GLT1D1: variants seen among roughly 807,000 people sequenced by gnomAD.
GLT1D1 encodes the protein glycosyltransferase 1 domain-containing protein 1.
GLT1D1 carries 21 observed loss-of-function variants against 28.7 expected under a neutral mutation model. The ratio of observed to expected loss-of-function variants is 0.73; its 90% CI spans 0.52 to 1.05. The LOEUF is 1.05. Ranked by LOEUF, GLT1D1 falls within the 50% of genes least tolerant of loss-of-function variation. The pLI is 0.00. For synonymous variants in GLT1D1, 147 were observed against 124.8 expected (o/e 1.18, Z -1.19); for missense variants, 343 against 330.6 (o/e 1.04, Z -0.29).
In GLT1D1 at chr12:128,982,815, C is replaced by T. The variant is rs111762224; in HGVS notation, c.640-114C>T. ...TCCTAAAAGTCACTCTCTCCAGGCC[C>T]AGGAGGCAGACAAGGGCAAGGCCAG... is the stretch of plus-strand genomic sequence containing the variant. On this transcript the variant is annotated intron_variant, in intron 7 of 7. Coordinates refer to ENST00000281703, the MANE Select transcript of GLT1D1 (RefSeq NM_144669.3). 3.0e-3 allele frequency: 2,554 copies of T among 860,000 alleles called. 45 individuals carry two copies. The African/African-American group carries it at 0.038, about 13-fold the overall frequency. 53.3% of individuals were successfully genotyped at this position (860,000 alleles called of 1,614,324 possible). A position where few individuals can be genotyped will look rare whatever the true frequency, so the allele number is the denominator to read the frequency against.
At chr12:128,910,969 G>T (rs1013554554) in intron 4 of GLT1D1, among the ~76,000 whole-genome samples, 3 of 152,006 alleles carry the variant, frequency 2.0e-5, no homozygotes, top group South Asian at 2.1e-4. Flanking sequence ...TCACTCTGTC[G>T]CTTAGTCTGG....
At chr12:128,979,897 G>A (rs547559852) in intron 7 of GLT1D1, among the ~76,000 whole-genome samples, 14 of 152,172 alleles carry the variant, frequency 9.2e-5, no homozygotes, top group Non-Finnish European at 1.9e-4. Flanking sequence ...ATTACAGTAC[G>A]GTTTTGCATA....
At chr12:128,963,188 G>T (rs922350609) in intron 7 of GLT1D1, among the ~76,000 whole-genome samples, 1 of 152,180 alleles carries the variant, frequency 6.6e-6, no homozygotes, top group Non-Finnish European at 1.5e-5. Flanking sequence ...CAAAGGTGAC[G>T]TCTGGTCCCA....
intron 4 of GLT1D1, among the ~76,000 whole-genome samples, chr12:128,938,804 A>G (rs1311798751): frequency 6.6e-6 from 1 of 152,236 alleles, no homozygotes; most frequent in African/African-American, 2.4e-5. Flanking sequence ...CTTTGAATAA[A>G]TGCTTAGAAT....
chr12:128,882,412 G>T (rs1957080563), intron 2 of GLT1D1, among the ~76,000 whole-genome samples: 1 of 151,766 alleles, frequency 6.6e-6, no homozygotes, highest in Admixed American at 6.6e-5. Flanking sequence ...GAGTAGCTGG[G>T]ATTATAGGCG....
At position 128,874,112 on chromosome 12, in the gene GLT1D1, C is replaced by CTTCCTT. The variant is rs1297129528; in HGVS notation, c.69-1801_69-1800insTCCTTT. On this transcript the variant is annotated intron_variant, in intron 1 of 7. Coordinates refer to ENST00000281703, the MANE Select transcript of GLT1D1 (RefSeq NM_144669.3). Reference sequence around the variant, plus strand: ...TCTTTCTTTCTTTCTCTCTCTCTCTCTCTCTCTCTCTCTCTTTCTTTCTTT... The same window carrying CTTCCTT: ...TCTTTCTTTCTTTCTCTCTCTCTCTCTTCCTTTCTCTCTCTCTCTCTTTCTTTCTTT... Among the ~76,000 whole-genome samples the CTTCCTT allele has an allele frequency of 3.5e-4, 20 of 57,808 alleles. 1 individual carries two copies. Among genetic ancestry groups the CTTCCTT allele is most frequent in the African/African-American group, 1.3e-3 (15 of 11,700 alleles). 37.9% of individuals were successfully genotyped at this position (57,808 alleles called of 152,430 possible).
At chr12:128,867,419 G>GAAAAAAAAAAAAAAAAAAAAGAAAAAAA (rs1318656397) in intron 1 of GLT1D1, among the ~76,000 whole-genome samples, 16 of 111,788 alleles carry the variant, frequency 1.4e-4, no homozygotes, top group South Asian at 2.9e-4. Flanking sequence ...AAAAAAAACA[G>GAAAAAAAAAAAAAAAAAAAAGAAAAAAA]AAAAAAAAAA....
At chr12:128,864,179 TGTAA>T (rs1956457967) in intron 1 of GLT1D1, 1 of 682,456 alleles carries the variant, frequency 1.5e-6, no homozygotes, top group Admixed American at 2.1e-5. Context: ...GACGACACAC[TGTAA>T]GTTTTTGTTG....
chr12:128,904,539 G>GACTGTCCT (rs1870631838), intron 4 of GLT1D1, among the ~76,000 whole-genome samples: 1 of 151,646 alleles, frequency 6.6e-6, no homozygotes, highest in Non-Finnish European at 1.5e-5. Context: ...GAGAATGTAG[G>GACTGTCCT]ACTGTCCTCA....
At chr12:128,905,709 G>T (rs1870782607) in intron 4 of GLT1D1, among the ~76,000 whole-genome samples, 1 of 152,068 alleles carries the variant, frequency 6.6e-6, no homozygotes, top group Non-Finnish European at 1.5e-5. Context: ...AATCCTAGTG[G>T]GCTCCTCACC....
chr12:128,923,784 T>G (rs189660120), intron 4 of GLT1D1, among the ~76,000 whole-genome samples: 34 of 152,122 alleles, frequency 2.2e-4, no homozygotes, highest in Non-Finnish European at 4.3e-4. Flanking sequence ...CCTCCCACAA[T>G]GTTGGGATTA....
chr12:128,912,411 C>A lies in GLT1D1; in HGVS notation c.375+13124C>A, dbSNP rs1371976841. The A allele has an allele frequency of 7.9e-6, 12 of 1,518,660 alleles. No individual in the cohort carries two copies. The highest frequency in any genetic ancestry group is 2.0e-5 in the Admixed American group (1 of 50,274). 94.1% of individuals were successfully genotyped at this position (1,518,660 alleles called of 1,614,324 possible). A position where few individuals can be genotyped will look rare whatever the true frequency, so the allele number is the denominator to read the frequency against. On this transcript the variant is annotated intron_variant, in intron 4 of 7. Transcript: ENST00000281703. ...AATGTACTTTTCTTTTCTCTCTCCC[C>A]TCCTTTCAAAAGCCGCATGCTAAGG...
At chr12:128,883,636 A>G (rs999556495) in intron 2 of GLT1D1, among the ~76,000 whole-genome samples, 1 of 151,696 alleles carries the variant, frequency 6.6e-6, no homozygotes, top group Non-Finnish European at 1.5e-5. Flanking sequence ...TTAGGAAGCT[A>G]TGATTTTCTG....
rs756768487 is a variant in GLT1D1, at chr12:128,899,223, G to T, written c.324-13G>T. 1.2e-6 allele frequency: 2 copies of T among 1,603,826 alleles called. No individual in the cohort carries two copies. Among genetic ancestry groups the T allele is most frequent in the Non-Finnish European group, 1.7e-6 (2 of 1,170,776 alleles). On this transcript the variant is annotated splice_polypyrimidine_tract_variant and intron_variant, in intron 3 of 7. Coordinates refer to ENST00000281703, the MANE Select transcript of GLT1D1 (RefSeq NM_144669.3). ...TGGCCTAATTGTTTCTATTATTTTT[G>T]TTCATTTACTAGATTTGCTGTCGCT...
At chr12:128,975,086 T>G (rs1200619143) in intron 7 of GLT1D1, among the ~76,000 whole-genome samples, 1 of 152,166 alleles carries the variant, frequency 6.6e-6, no homozygotes, top group Non-Finnish European at 1.5e-5. Flanking sequence ...ACTCCCACGC[T>G]CCGTCACTCC....
intron 6 of GLT1D1, among the ~76,000 whole-genome samples, chr12:128,950,201 G>A (rs1220969043): frequency 6.6e-6 from 1 of 152,184 alleles, no homozygotes; most frequent in Non-Finnish European, 1.5e-5. Flanking sequence ...GCTGCAGGGA[G>A]GTGGGGTGCC....
chr12:128,975,749 G>T (rs1879710076), intron 7 of GLT1D1, among the ~76,000 whole-genome samples: 1 of 152,196 alleles, frequency 6.6e-6, no homozygotes, highest in African/African-American at 2.4e-5. Flanking sequence ...ACAGCTCCCG[G>T]CCCCCTAATG....
At chr12:128,890,383 G>C (rs1868905024) in intron 3 of GLT1D1, among the ~76,000 whole-genome samples, 2 of 152,106 alleles carry the variant, frequency 1.3e-5, no homozygotes, top group African/African-American at 4.8e-5. Flanking sequence ...GGCATACTTA[G>C]AAAATTATCA....
chr12:128,899,204 A>T, intron 3 of GLT1D1, 32 bp from the exon 4 acceptor site: 1 of 1,547,132 alleles, frequency 6.5e-7, no homozygotes, highest in Non-Finnish European at 8.9e-7. Context: ...ATTCTGGCCT[A>T]ATTGTTTCTA....
Sources: allele counts gnomAD v4.1 joint callset (sites outside exome capture counted in the v4.1 genomes callset), GRCh38; gene constraint gnomAD v4.1.1; transcripts MANE v1.5; gene names NCBI Gene and HGNC (gene_info 2026-07-23, HGNC 2026-07-21).